ADIPOR2: variants seen among roughly 807,000 people sequenced by gnomAD.
ADIPOR2 encodes adiponectin receptor protein 2.
ADIPOR2 carries 18 observed loss-of-function variants against 40.9 expected under a neutral mutation model. The observed-to-expected ratio is 0.44, with a 90% CI of 0.30 to 0.65. The LOEUF (loss-of-function observed/expected upper bound fraction) is 0.65, where lower values mean the gene tolerates loss of function less well. Ranked by LOEUF, ADIPOR2 falls within the 30% of genes least tolerant of loss-of-function variation. The pLI is 0.09. For missense variants in ADIPOR2, 283 were observed against 479.2 expected (o/e 0.59, Z 3.82); for synonymous variants, 165 against 166.4 (o/e 0.99, Z 0.06).
At chr12:1,760,613 A>G (rs1362570059) in intron 2 of ADIPOR2, 1 of 152,154 alleles carries the variant, frequency 6.6e-6, no homozygotes, top group African/African-American at 2.4e-5. Flanking sequence ...TACTTAGCAT[A>G]ATGTTTTTAA....
intron 1 of ADIPOR2, among the ~76,000 whole-genome samples, chr12:1,750,776 A>G (rs1215720437): frequency 6.6e-6 from 1 of 152,166 alleles, no homozygotes; most frequent in African/African-American, 2.4e-5. Context: ...TGAAATCCAT[A>G]TATCAATTTT....
chr12:1,694,978 A>G (rs753942492), intron 1 of ADIPOR2, among the ~76,000 whole-genome samples: 1 of 149,520 alleles, frequency 6.7e-6, no homozygotes, highest in South Asian at 2.1e-4. Context: ...TTATTGGTCT[A>G]TAGTTTACAT....
At chr12:1,728,300 A>T (rs2094712112) in intron 1 of ADIPOR2, among the ~76,000 whole-genome samples, 2 of 151,730 alleles carry the variant, frequency 1.3e-5, no homozygotes, top group African/African-American at 2.4e-5. Flanking sequence ...TTTAGTAGAG[A>T]TGGGGTTTCA....
intron 1 of ADIPOR2, among the ~76,000 whole-genome samples, chr12:1,744,111 G>A (rs76801296): frequency 4.6e-4 from 68 of 149,332 alleles, no homozygotes; most frequent in Non-Finnish European, 8.9e-4. Flanking sequence ...TTTTTTTTCT[G>A]TATTTTTTTT....
chr12:1,780,602 C>T lies in ADIPOR2; in HGVS notation c.615C>T (p.Tyr205=). The T allele has an allele frequency of 6.2e-7, 1 of 1,608,132 alleles. No individual in the cohort carries two copies. Among genetic ancestry groups the T allele is most frequent in the South Asian group, 1.1e-5 (1 of 89,770 alleles). ...TTTCATGGCTCTTCCACACAGTCTA[C>T]TGCCACTCAGAGGGGGTCTCTCGGC... is the stretch of plus-strand genomic sequence containing the variant. ...LSFSWLFHTV[Y]CHSEGVSRLF... is the part of the protein sequence containing the mutation. Residue 205 remains tyrosine, a synonymous_variant, in exon 5 of 8, where the codon TAC becomes TAT. Transcript: ENST00000357103.
intron 1 of ADIPOR2, among the ~76,000 whole-genome samples, chr12:1,733,872 C>G (rs1408963093): frequency 6.7e-6 from 1 of 150,072 alleles, no homozygotes; most frequent in Non-Finnish European, 1.5e-5. Context: ...GTTTTTTGTC[C>G]TTGGCGATAG....
At chr12:1,757,856 C>G in intron 2 of ADIPOR2, 1 of 823,316 alleles carries the variant, frequency 1.2e-6, no homozygotes. Context: ...TCAGGGCTTA[C>G]TTAAGTCTGT....
chr12:1,711,996 C>T (rs2094678318), intron 1 of ADIPOR2, among the ~76,000 whole-genome samples: 1 of 152,096 alleles, frequency 6.6e-6, no homozygotes. Flanking sequence ...AGTTCTAAGG[C>T]TTGGGTAAGT....
intron 2 of ADIPOR2, among the ~76,000 whole-genome samples, chr12:1,761,954 T>C (rs1417295844): frequency 6.6e-6 from 1 of 152,258 alleles, no homozygotes; most frequent in Non-Finnish European, 1.5e-5. Context: ...AAATTCTTTC[T>C]ATAACCTTCG....
intron 1 of ADIPOR2, among the ~76,000 whole-genome samples, chr12:1,716,416 T>C (rs960307737): frequency 6.6e-6 from 1 of 152,200 alleles, no homozygotes; most frequent in Non-Finnish European, 1.5e-5. Context: ...GAGAGATTAG[T>C]AGTAGTATTG....
chr12:1,720,282 A>G (rs893278881), intron 1 of ADIPOR2, among the ~76,000 whole-genome samples: 14 of 152,074 alleles, frequency 9.2e-5, no homozygotes, highest in Non-Finnish European at 8.8e-5. Context: ...GCCAGGCACT[A>G]TTTTAGGTGC....
chr12:1,754,429 G>C lies in ADIPOR2; in HGVS notation c.86G>C (p.Gly29Ala). Residue 29 changes from glycine to alanine, a missense_variant, in exon 2 of 8, where the codon GGT (glycine) becomes GCT (alanine). Transcript: ENST00000357103. ...CTCAGAAAAGGGCACCAACTGGATG[G>C]TACACGAAGAGGTGATAATGACAGC... ...IRLRKGHQLD[G>A]TRRGDNDSHQ... is the part of the protein sequence containing the mutation. 2 of 1,613,768 alleles carry C rather than the reference G, an allele frequency of 1.2e-6. No homozygotes were observed. Among genetic ancestry groups the C allele is most frequent in the Non-Finnish European group, 1.7e-6 (2 of 1,179,866 alleles).
intron 1 of ADIPOR2, among the ~76,000 whole-genome samples, chr12:1,748,460 G>T (rs1466113906): frequency 6.6e-6 from 1 of 151,996 alleles, no homozygotes; most frequent in Admixed American, 6.6e-5. Flanking sequence ...GTGTTAGCCA[G>T]GATGGTCTCA....
At chr12:1,780,815 G>A in intron 5 of ADIPOR2, 74 bp from the exon 6 acceptor site, 1 of 1,429,640 alleles carries the variant, frequency 7.0e-7, no homozygotes, top group South Asian at 1.5e-5. Context: ...ATGTCATGAG[G>A]GATTAATTGG....
intron 1 of ADIPOR2, among the ~76,000 whole-genome samples, chr12:1,748,470 A>T (rs190682873): frequency 2.0e-5 from 3 of 151,930 alleles, no homozygotes; most frequent in Non-Finnish European, 2.9e-5. Flanking sequence ...GGATGGTCTC[A>T]ATCTCCTGAC....
At chr12:1,733,274 G>A (rs2094724052) in intron 1 of ADIPOR2, among the ~76,000 whole-genome samples, 1 of 152,130 alleles carries the variant, frequency 6.6e-6, no homozygotes, top group South Asian at 2.1e-4. Context: ...GGTACAGGTA[G>A]CTAACACGGG....
chr12:1,720,420 A>T (rs890840605), intron 1 of ADIPOR2, among the ~76,000 whole-genome samples: 1 of 152,150 alleles, frequency 6.6e-6, no homozygotes, highest in Non-Finnish European at 1.5e-5. Context: ...TTATTACTAC[A>T]TTGTAATATA....
chr12:1,739,206 C>T (rs1013645982), intron 1 of ADIPOR2, among the ~76,000 whole-genome samples: 3 of 152,206 alleles, frequency 2.0e-5, no homozygotes, highest in Admixed American at 6.5e-5. Context: ...GAAGGTACTG[C>T]TCTCTGCCTT....
At chr12:1,714,824 CAATAGCA>C in intron 1 of ADIPOR2, among the ~76,000 whole-genome samples, 1 of 152,238 alleles carries the variant, frequency 6.6e-6, no homozygotes, top group East Asian at 1.9e-4. Flanking sequence ...TTTGATCTAA[CAATAGCA>C]TGACATCTCT....
Sources: gnomAD v4.1 joint callset for allele counts (sites outside exome capture counted in the v4.1 genomes callset) on GRCh38, gnomAD v4.1.1 for gene constraint, MANE v1.5 for transcripts, NCBI Gene and HGNC (gene_info 2026-07-23, HGNC 2026-07-21) for gene names.